Variants in EIPR1 observed in about 807,000 individuals in gnomAD.
EIPR1 encodes the protein EARP and GARP complex-interacting protein 1.
EIPR1 carries 25 observed loss-of-function variants against 48.1 expected under a neutral mutation model. That is an observed-to-expected ratio of 0.52 (90% CI 0.38 to 0.73). The LOEUF (loss-of-function observed/expected upper bound fraction) is 0.73, where lower values mean the gene tolerates loss of function less well. EIPR1 is among the 30% of genes least tolerant of loss of function. The probability of loss-of-function intolerance (pLI) is 0.00; values close to 1 mark genes in which losing one functional copy is unlikely to be tolerated. For synonymous variants in EIPR1, 204 were observed against 201.9 expected, an observed-to-expected ratio of 1.01 and a Z score of -0.09; for missense variants, 415 against 506.2, an observed-to-expected ratio of 0.82 and a Z score of 1.73.
chr2:3,369,173 A>T (rs944346644), intron 1 of EIPR1, among the ~76,000 whole-genome samples: 3 of 152,262 alleles, frequency 2.0e-5, no homozygotes, highest in African/African-American at 7.2e-5. Flanking sequence ...TAAAGAAGAA[A>T]ATCCAATAAT....
intron 3 of EIPR1, among the ~76,000 whole-genome samples, chr2:3,260,444 T>C (rs991864201): frequency 7.3e-6 from 1 of 136,294 alleles, no homozygotes; most frequent in African/African-American, 2.8e-5. Flanking sequence ...TGAGCTAAGA[T>C]TGTGCCACTG....
chr2:3,293,490 C>G (rs1028229487), intron 3 of EIPR1, among the ~76,000 whole-genome samples: 4 of 152,198 alleles, frequency 2.6e-5, no homozygotes, highest in African/African-American at 9.7e-5. Flanking sequence ...AGGGTCCTGG[C>G]ACCCAGACAG....
At position 3,205,197 on chromosome 2, in the gene EIPR1, C is replaced by T. The variant is rs543692310; in HGVS notation, c.517-8180G>A. 1.5e-3 allele frequency among the ~76,000 whole-genome samples: 236 copies of T among 152,316 alleles called. 2 individuals are homozygous for T. The highest frequency in any genetic ancestry group is 5.4e-3 in the African/African-American group (223 of 41,572). ...GGCTTACAAAACGGCCATGACCATC[C>T]CACCCTGAGCCCGTTCCCATCCCAT... On this transcript the variant is annotated intron_variant, in intron 5 of 8. Transcript: ENST00000382125.
At chr2:3,195,262 C>T (rs963636003) in intron 6 of EIPR1, among the ~76,000 whole-genome samples, 1 of 152,262 alleles carries the variant, frequency 6.6e-6, no homozygotes, top group Non-Finnish European at 1.5e-5. Flanking sequence ...GCAGCTCCTA[C>T]CTGCACGGCC....
intron 3 of EIPR1, among the ~76,000 whole-genome samples, chr2:3,301,998 A>G (rs1668775693): frequency 6.6e-6 from 1 of 152,218 alleles, no homozygotes; most frequent in African/African-American, 2.4e-5. Flanking sequence ...AGGCGGAGAG[A>G]CTGCCAGATG....
At chr2:3,256,188 AC>A (rs1400482274) in intron 4 of EIPR1, among the ~76,000 whole-genome samples, 2 of 152,170 alleles carry the variant, frequency 1.3e-5, no homozygotes, top group African/African-American at 2.4e-5. Context: ...AGACTGCCTG[AC>A]CCTCAGCACT....
chr2:3,324,855 C>CCTCA (rs1669646480), intron 3 of EIPR1, among the ~76,000 whole-genome samples: 3 of 152,198 alleles, frequency 2.0e-5, no homozygotes, highest in Non-Finnish European at 4.4e-5. Flanking sequence ...AGGGCCTGAC[C>CCTCA]CTCACCAGGC....
At chr2:3,328,816 C>A (rs1208112018) in intron 3 of EIPR1, among the ~76,000 whole-genome samples, 1 of 141,050 alleles carries the variant, frequency 7.1e-6, no homozygotes, top group African/African-American at 2.7e-5. Flanking sequence ...CAGAGCCCAC[C>A]CACCACGCTC....
chr2:3,320,539 CTATT>C (rs1280515260), intron 3 of EIPR1: 1 of 152,356 alleles, frequency 6.6e-6, no homozygotes, highest in African/African-American at 2.4e-5. Flanking sequence ...AACAAATGAA[CTATT>C]TATTAGACCA....
At chr2:3,340,914 T>C (rs12471625) in intron 2 of EIPR1, among the ~76,000 whole-genome samples, 23,905 of 151,658 alleles carry the variant, frequency 0.16, 2,284 homozygotes, top group Non-Finnish European at 0.21. Flanking sequence ...CTGGACAATA[T>C]GGTGAAACCC....
chr2:3,214,093 T>A, intron 5 of EIPR1, 56 bp downstream of exon 5: 1 of 1,486,622 alleles, frequency 6.7e-7, no homozygotes, highest in Non-Finnish European at 9.3e-7. Flanking sequence ...AGTGAGAACA[T>A]GCGGGGTTTG....
chr2:3,233,011 A>G (rs1415468287), intron 4 of EIPR1, among the ~76,000 whole-genome samples: 1 of 152,198 alleles, frequency 6.6e-6, no homozygotes, highest in African/African-American at 2.4e-5. Flanking sequence ...GCAAAGTCAT[A>G]TATGCCCATT....
intron 1 of EIPR1, among the ~76,000 whole-genome samples, chr2:3,363,060 G>C (rs1036359814): frequency 7.9e-5 from 12 of 152,174 alleles, no homozygotes; most frequent in African/African-American, 2.9e-4. Context: ...CCTTGGGCTT[G>C]GGGTAAATGA....
At chr2:3,271,304 A>G (rs978602390) in intron 3 of EIPR1, among the ~76,000 whole-genome samples, 8 of 152,194 alleles carry the variant, frequency 5.3e-5, no homozygotes, top group African/African-American at 1.9e-4. Context: ...ACCACCTCCT[A>G]TAAATCGCAA....
chr2:3,357,069 AT>A (rs1670746819), intron 1 of EIPR1, among the ~76,000 whole-genome samples: 1 of 152,148 alleles, frequency 6.6e-6, no homozygotes, highest in Admixed American at 6.5e-5. Flanking sequence ...TCTACAACCA[AT>A]CACACTGATT....
At chr2:3,324,205 T>C (rs1207256293) in intron 3 of EIPR1, among the ~76,000 whole-genome samples, 2 of 152,168 alleles carry the variant, frequency 1.3e-5, no homozygotes, top group African/African-American at 4.8e-5. Context: ...GAGCGACATG[T>C]GGCACTGTGA....
chr2:3,251,954 A>T (rs1421668571), intron 4 of EIPR1, among the ~76,000 whole-genome samples: 1 of 152,172 alleles, frequency 6.6e-6, no homozygotes, highest in East Asian at 1.9e-4. Context: ...CTCCCTCTGT[A>T]GGAGTGAGTA....
intron 4 of EIPR1, among the ~76,000 whole-genome samples, chr2:3,254,328 T>C (rs1667090266): frequency 1.3e-5 from 2 of 152,084 alleles, no homozygotes; most frequent in East Asian, 3.8e-4. Context: ...CAAAACTAAC[T>C]GAGCCGAGAG....
chr2:3,353,803 C>A (rs1670649076), intron 2 of EIPR1, among the ~76,000 whole-genome samples: 1 of 152,138 alleles, frequency 6.6e-6, no homozygotes, highest in Non-Finnish European at 1.5e-5. Flanking sequence ...ACATCCTATC[C>A]AGGCCTGCGT....
Sources: allele counts gnomAD v4.1 joint callset (sites outside exome capture counted in the v4.1 genomes callset), GRCh38; gene constraint gnomAD v4.1.1; transcripts MANE v1.5; gene names NCBI Gene and HGNC (gene_info 2026-07-23, HGNC 2026-07-21).